SLC41A3: variants seen among roughly 807,000 people sequenced by gnomAD.
SLC41A3 encodes the protein solute carrier family 41 member 3.
In SLC41A3, 44 loss-of-function variants were observed where a neutral mutation model predicts 45.4. The ratio of observed to expected loss-of-function variants is 0.97; its 90% CI spans 0.76 to 1.25. SLC41A3 has a LOEUF of 1.25. SLC41A3 is among the 50% of genes most tolerant of loss of function. The probability of loss-of-function intolerance (pLI) is 0.00; values close to 1 mark genes in which losing one functional copy is unlikely to be tolerated. For synonymous variants in SLC41A3, 256 were observed against 252.4 expected (o/e 1.01, Z -0.13); for missense variants, 550 against 600.6 (o/e 0.92, Z 0.88).
chr3:126,015,879 C>T (rs1032787328), intron 7 of SLC41A3, among the ~76,000 whole-genome samples: 4 of 152,180 alleles, frequency 2.6e-5, no homozygotes, highest in Admixed American at 1.3e-4. Context: ...CCCAAGACTC[C>T]GGCACCACGA....
intron 2 of SLC41A3, among the ~76,000 whole-genome samples, chr3:126,067,093 G>A (rs1402322698): frequency 5.4e-5 from 4 of 74,508 alleles, no homozygotes; most frequent in African/African-American, 1.4e-4. Flanking sequence ...GGGTTGGACC[G>A]CCCCCCCGCC....
rs1942743191 is a variant in SLC41A3 at position 126,043,687 on chromosome 3, A to C, written c.381+7256T>G. Among the ~76,000 whole-genome samples, 3 of 152,034 alleles carry C rather than the reference A, an allele frequency of 2.0e-5. No individual in the cohort carries two copies. In the South Asian group the frequency reaches 6.2e-4, roughly 31 times the overall value. On this transcript the variant is annotated intron_variant, in intron 3 of 10. Transcript: ENST00000360370. ...ATTGAAGTTAAGCTGCTATCAGTTT[A>C]AGGTAAATTGTAATAACTTTAGGAT...
intron 9 of SLC41A3, among the ~76,000 whole-genome samples, chr3:126,010,814 AC>A (rs370843391): frequency 2.0e-5 from 3 of 152,334 alleles, no homozygotes; most frequent in African/African-American, 7.2e-5. Context: ...CCTAGATTGC[AC>A]TGTGCCCAGC....
At chr3:126,038,894 A>G (rs1942390362) in intron 3 of SLC41A3, among the ~76,000 whole-genome samples, 1 of 152,104 alleles carries the variant, frequency 6.6e-6, no homozygotes, top group African/African-American at 2.4e-5. Context: ...TGTTTGGGTC[A>G]TGGGGGTGGA....
intron 1 of SLC41A3, among the ~76,000 whole-genome samples, chr3:126,099,454 A>G (rs941408405): frequency 5.9e-5 from 9 of 152,214 alleles, no homozygotes; most frequent in Non-Finnish European, 7.3e-5. Flanking sequence ...ACTCACGCCC[A>G]TAATCCCAGC....
At chr3:126,008,625 G>C (rs925334503) in intron 10 of SLC41A3, 107 bp downstream of exon 10, 2 of 1,510,030 alleles carry the variant, frequency 1.3e-6, no homozygotes, top group Admixed American at 3.6e-5. Flanking sequence ...TGCCCCACAC[G>C]TCCAGCCACC....
At chr3:126,019,265 A>G (rs1203800368) in intron 6 of SLC41A3, among the ~76,000 whole-genome samples, 1 of 152,146 alleles carries the variant, frequency 6.6e-6, no homozygotes, top group Non-Finnish European at 1.5e-5. Flanking sequence ...CAATTAAGCC[A>G]TTAATCTATT....
chr3:126,014,787 C>T (rs936964884), intron 8 of SLC41A3, among the ~76,000 whole-genome samples: 1 of 152,218 alleles, frequency 6.6e-6, no homozygotes, highest in Non-Finnish European at 1.5e-5. Context: ...ATGTTTTGTT[C>T]TTCTCCTAAC....
rs913896390 is a variant in SLC41A3 at position 126,057,022 on chromosome 3, T to C, written c.274-5972A>G. 1.1e-5 allele frequency: 11 copies of C among 1,021,812 alleles called. No individual in the cohort carries two copies. The African/African-American group carries it at 1.7e-4, about 16-fold the overall frequency. The allele number at this position is 1,021,812 out of a possible 1,614,324, so 63.3% of individuals were successfully genotyped here. A position where few individuals can be genotyped will look rare whatever the true frequency, so the allele number is the denominator to read the frequency against. On this transcript the variant is annotated intron_variant, in intron 2 of 10. Transcript: ENST00000360370. ...GCCCACACGGAGGTCTGCTGCCACC[T>C]CGCCCTGTACAAGTGTGCTGGGCTG...
chr3:126,084,716 G>T (rs1336691535), upstream of SLC41A3, among the ~76,000 whole-genome samples: 2 of 152,160 alleles, frequency 1.3e-5, no homozygotes, highest in Non-Finnish European at 2.9e-5. Flanking sequence ...CCGGGCCTGA[G>T]GGAGGCCTGA....
At position 126,050,940 on chromosome 3, in the gene SLC41A3, T is replaced by TA. The variant is rs746664669; in HGVS notation, c.381+2dup. On this transcript the variant is annotated splice_region_variant and intron_variant, in intron 3 of 10. Coordinates refer to ENST00000360370, the MANE Select transcript of SLC41A3 (RefSeq NM_017836.4). ...CGCCTCGAATGTCCAGGTGTCCACT[T>TA]ACAGCTGTGGAGAGTCTGGATGCCA... 5 of 1,610,804 alleles carry TA rather than the reference T, an allele frequency of 3.1e-6. No individual in the cohort carries two copies. The South Asian group carries it at 4.4e-5, about 14-fold the overall frequency.
At chr3:126,044,895 CAAAA>C (rs57581225) in intron 3 of SLC41A3, among the ~76,000 whole-genome samples, 17 of 82,712 alleles carry the variant, frequency 2.1e-4, no homozygotes, top group African/African-American at 5.4e-4. Flanking sequence ...GACTCCATCT[CAAAA>C]AAAAAAAAAA....
At chr3:126,076,542 T>C (rs1049278533) in intron 1 of SLC41A3, among the ~76,000 whole-genome samples, 1 of 152,218 alleles carries the variant, frequency 6.6e-6, no homozygotes, top group African/African-American at 2.4e-5. Context: ...GTGAATTTTA[T>C]GGTATGAACT....
chr3:126,052,709 T>TG (rs1433141438), intron 2 of SLC41A3, among the ~76,000 whole-genome samples: 1 of 152,168 alleles, frequency 6.6e-6, no homozygotes, highest in African/African-American at 2.4e-5. Flanking sequence ...CCCTCTCCCC[T>TG]GGCCTCTGGG....
chr3:126,039,746 T>C (rs1347828347), intron 3 of SLC41A3, among the ~76,000 whole-genome samples: 1 of 152,240 alleles, frequency 6.6e-6, no homozygotes, highest in Non-Finnish European at 1.5e-5. Flanking sequence ...CACACATATT[T>C]AAAAGAGATA....
intron 2 of SLC41A3, among the ~76,000 whole-genome samples, chr3:126,061,367 C>T (rs1032469507): frequency 1.3e-5 from 2 of 152,198 alleles, no homozygotes; most frequent in South Asian, 4.1e-4. Flanking sequence ...CCCACACTGT[C>T]TCCAAGCAGC....
intron 8 of SLC41A3, among the ~76,000 whole-genome samples, chr3:126,013,703 T>C (rs1559807451): frequency 1.3e-5 from 2 of 152,070 alleles, no homozygotes; most frequent in Admixed American, 6.5e-5. Flanking sequence ...AGAAAAGACG[T>C]TGTCTGCTGC....
intron 4 of SLC41A3, among the ~76,000 whole-genome samples, chr3:126,032,688 G>T (rs1576265503): frequency 1.3e-5 from 2 of 152,198 alleles, no homozygotes; most frequent in Non-Finnish European, 2.9e-5. Flanking sequence ...TGTTTTGGGG[G>T]TGCCTCTGGG....
intron 3 of SLC41A3, 27 bp from the exon 4 acceptor site, chr3:126,033,705 T>C (rs1173061718): frequency 6.2e-7 from 1 of 1,604,662 alleles, no homozygotes; most frequent in Admixed American, 1.7e-5. Flanking sequence ...AGGACAAAGG[T>C]AGGACTGGCT....
Sources: gnomAD v4.1 joint callset for allele counts (sites outside exome capture counted in the v4.1 genomes callset) on GRCh38, gnomAD v4.1.1 for gene constraint, MANE v1.5 for transcripts, NCBI Gene and HGNC (gene_info 2026-07-23, HGNC 2026-07-21) for gene names.